The following DENND6A variants were observed in gnomAD, a reference collection of about 807,000 sequenced individuals.
DENND6A encodes the protein protein DENND6A.
Under a neutral mutation model 95.5 loss-of-function variants are expected in DENND6A, and 43 were observed. That is an observed-to-expected ratio of 0.45 (90% CI 0.35 to 0.58). The LOEUF (loss-of-function observed/expected upper bound fraction) is 0.58. Ranked by LOEUF, DENND6A falls within the 20% of genes least tolerant of loss-of-function variation. DENND6A has a pLI of 0.00. For missense variants in DENND6A, 574 were observed against 736.0 expected (o/e 0.78, Z 2.55); for synonymous variants, 257 against 260.4 (o/e 0.99, Z 0.13).
intron 1 of DENND6A, among the ~76,000 whole-genome samples, chr3:57,692,023 G>A (rs2077270743): frequency 6.6e-6 from 1 of 151,918 alleles, no homozygotes; most frequent in South Asian, 2.1e-4. Flanking sequence ...CCTGAGTCGG[G>A]AGTTCGAGAC....
chr3:57,672,507 G>T, intron 1 of DENND6A, 69 bp from the exon 2 acceptor site: 1 of 1,488,998 alleles, frequency 6.7e-7, no homozygotes, highest in Non-Finnish European at 9.2e-7. Flanking sequence ...TATAGGCCAG[G>T]CACGGTGGCT....
intron 5 of DENND6A, among the ~76,000 whole-genome samples, chr3:57,662,185 CTTTTTTTTTTTT>C (rs60063768): frequency 8.8e-5 from 7 of 79,136 alleles, no homozygotes; most frequent in East Asian, 8.9e-4. Context: ...TTTCTTTTTT[CTTTTTTTTTTTT>C]TTTTTTTTTT....
chr3:57,633,210 T>G, intron 15 of DENND6A, 55 bp downstream of exon 15: 3 of 1,437,264 alleles, frequency 2.1e-6, no homozygotes, highest in Non-Finnish European at 2.9e-6. Flanking sequence ...GGAAAAACAT[T>G]TATATACCCT....
rs1274235198 is a variant in DENND6A at position 57,630,840 on chromosome 3, T to C, written c.1408-16A>G. 6.2e-7 allele frequency: 1 copy of C among 1,610,720 alleles called. No homozygotes were observed. The highest frequency in any genetic ancestry group is 1.1e-5 in the South Asian group (1 of 90,312). ...GAGGTGGACTCTAGAAAACAGGACA[T>C]ATAATATTTAGAAATTAGGAGTGGA... On this transcript the variant is annotated splice_polypyrimidine_tract_variant and intron_variant, in intron 16 of 19. Transcript: ENST00000311128.
chr3:57,641,784 A>G, intron 11 of DENND6A, 37 bp from the exon 12 acceptor site: 1 of 1,538,558 alleles, frequency 6.5e-7, no homozygotes, highest in Non-Finnish European at 8.9e-7. Context: ...AAAAAAGGTG[A>G]GAAAAAGATG....
intron 1 of DENND6A, among the ~76,000 whole-genome samples, chr3:57,683,018 G>A (rs114640999): frequency 0.013 from 1,971 of 152,296 alleles, 48 homozygotes; most frequent in African/African-American, 0.044. Context: ...AAATTCTGGA[G>A]AGCAGGGATT....
intron 1 of DENND6A, among the ~76,000 whole-genome samples, chr3:57,676,612 A>G (rs2153416775): frequency 1.3e-5 from 2 of 152,228 alleles, no homozygotes; most frequent in East Asian, 3.9e-4. Context: ...TATCATGGAT[A>G]CAAATGCTTA....
At chr3:57,632,328 CTCTT>C (rs914529115) in intron 15 of DENND6A, among the ~76,000 whole-genome samples, 14 of 151,356 alleles carry the variant, frequency 9.2e-5, no homozygotes, top group African/African-American at 3.4e-4. Context: ...CCAGTCCATG[CTCTT>C]TTTTTTTTTA....
chr3:57,666,616 AAGC>A (rs1308693821), intron 3 of DENND6A, among the ~76,000 whole-genome samples: 1 of 152,244 alleles, frequency 6.6e-6, no homozygotes, highest in African/African-American at 2.4e-5. Flanking sequence ...AATGTTTTGA[AAGC>A]AGGAAAAACT....
chr3:57,640,422 G>A (rs1430688601), intron 12 of DENND6A, among the ~76,000 whole-genome samples: 7 of 151,762 alleles, frequency 4.6e-5, no homozygotes, highest in Admixed American at 6.6e-5. Context: ...GCAAAACCCC[G>A]TCTCTATTAA....
intron 1 of DENND6A, among the ~76,000 whole-genome samples, chr3:57,676,212 T>C (rs1337642937): frequency 1.3e-5 from 2 of 151,954 alleles, no homozygotes; most frequent in Non-Finnish European, 2.9e-5. Flanking sequence ...ACCATGTCTC[T>C]ACTAAAAATA....
In DENND6A at chr3:57,625,542, A is replaced by G. The variant is rs543125495; in HGVS notation, c.*2672T>C. 1 of 152,602 alleles carries G rather than the reference A, an allele frequency of 6.6e-6. No homozygotes were observed. The highest frequency in any genetic ancestry group is 1.5e-5 in the Non-Finnish European group (1 of 68,030). The allele number at this position is 152,602 out of a possible 1,614,324, so 9.5% of individuals were successfully genotyped here. On this transcript the variant is annotated 3_prime_UTR_variant, in exon 20 of 20. Transcript: ENST00000311128. ...CTCTTTTTCACTGTAAATAGAAGGC[A>G]CTAGGCATTACATAATACCCTTAAA...
chr3:57,683,723 T>C (rs1195609041), intron 1 of DENND6A, among the ~76,000 whole-genome samples: 1 of 152,200 alleles, frequency 6.6e-6, no homozygotes, highest in African/African-American at 2.4e-5. Flanking sequence ...GCATTTCACA[T>C]CTTCTTTGCT....
intron 18 of DENND6A, among the ~76,000 whole-genome samples, chr3:57,629,507 CTTTTTTTTTT>C (rs1165802821): frequency 1.0e-5 from 1 of 98,228 alleles, no homozygotes; most frequent in Non-Finnish European, 2.0e-5. Flanking sequence ...AATCAGTCCG[CTTTTTTTTTT>C]TTTTTTTTTT....
At chr3:57,688,970 T>C (rs1194210807) in intron 1 of DENND6A, among the ~76,000 whole-genome samples, 3 of 151,486 alleles carry the variant, frequency 2.0e-5, no homozygotes, top group Non-Finnish European at 2.9e-5. Context: ...ATAATTTTTC[T>C]TTTTTTTTGA....
chr3:57,663,157 A>T (rs1266383365), intron 5 of DENND6A, among the ~76,000 whole-genome samples: 21 of 148,794 alleles, frequency 1.4e-4, no homozygotes, highest in Middle Eastern at 3.4e-3. Context: ...ATATCAAAAA[A>T]AAAAAAAAAA....
intron 3 of DENND6A, among the ~76,000 whole-genome samples, chr3:57,671,897 TA>T (rs1252312187): frequency 2.0e-5 from 3 of 152,240 alleles, no homozygotes; most frequent in Non-Finnish European, 1.5e-5. Flanking sequence ...TCACTGCTTT[TA>T]CAGAGTTCCT....
At chr3:57,686,544 T>C (rs1438548170) in intron 1 of DENND6A, among the ~76,000 whole-genome samples, 1 of 152,204 alleles carries the variant, frequency 6.6e-6, no homozygotes, top group Non-Finnish European at 1.5e-5. Flanking sequence ...TCAGCATCAT[T>C]TTTCCAACAA....
chr3:57,655,999 A>G (rs1024039563), intron 9 of DENND6A, among the ~76,000 whole-genome samples: 6 of 152,216 alleles, frequency 3.9e-5, no homozygotes, highest in Admixed American at 3.9e-4. Context: ...TTTTGCCTGT[A>G]ATATTTATTC....
Sources: allele counts gnomAD v4.1 joint callset (sites outside exome capture counted in the v4.1 genomes callset), GRCh38; gene constraint gnomAD v4.1.1; transcripts MANE v1.5; gene names NCBI Gene and HGNC (gene_info 2026-07-23, HGNC 2026-07-21).